The following POLN variants were observed in gnomAD, a reference collection of about 807,000 sequenced individuals.
POLN encodes DNA polymerase N.
POLN carries 108 observed loss-of-function variants against 113.5 expected under a neutral mutation model. The ratio of observed to expected loss-of-function variants is 0.95; its 90% CI spans 0.81 to 1.12. The LOEUF is 1.12. POLN is among the 50% of genes most tolerant of loss of function. The pLI is 0.00. For missense variants in POLN, 1,097 were observed against 1,077.1 expected, an observed-to-expected ratio of 1.02 and a Z score of -0.26; for synonymous variants, 386 against 391.5, an observed-to-expected ratio of 0.99 and a Z score of 0.17.
At chr4:2,189,594 G>A (rs1231645545) in intron 7 of POLN, among the ~76,000 whole-genome samples, 5 of 148,864 alleles carry the variant, frequency 3.4e-5, no homozygotes, top group Non-Finnish European at 5.9e-5. Flanking sequence ...AGCCAAGATT[G>A]TGCCACTGCA....
chr4:2,229,165 T>TCTGAG lies in POLN; in HGVS notation c.62_66dup (p.Lys23LeufsTer13), dbSNP rs1560101347. The TCTGAG allele has an allele frequency of 6.2e-7, 1 of 1,610,812 alleles. No homozygotes were observed. Among genetic ancestry groups the TCTGAG allele is most frequent in the East Asian group, 2.2e-5 (1 of 44,848 alleles). On this transcript the variant is annotated frameshift_variant, in exon 3 of 26. Coordinates refer to ENST00000511885, the MANE Select transcript of POLN (RefSeq NM_181808.4). LOFTEE classifies it high-confidence loss of function. ...CCTGAATGCATAGCAGACATAATCT[T>TCTGAG]CTGAGCAACACTGGAGAGCGGTGTA... is the stretch of plus-strand genomic sequence containing the variant.
At chr4:2,162,576 C>T (rs1444973655) in intron 13 of POLN, among the ~76,000 whole-genome samples, 1 of 152,196 alleles carries the variant, frequency 6.6e-6, no homozygotes, top group Non-Finnish European at 1.5e-5. Context: ...CCTGCCTCAA[C>T]CTCCAGAGTA....
At chr4:2,220,180 G>A (rs1053580058) in intron 3 of POLN, among the ~76,000 whole-genome samples, 6 of 152,096 alleles carry the variant, frequency 3.9e-5, no homozygotes, top group African/African-American at 1.2e-4. Context: ...CACCTGGCAC[G>A]ATGTTAAGCT....
intron 20 of POLN, among the ~76,000 whole-genome samples, chr4:2,094,535 G>A (rs977499375): frequency 3.9e-5 from 6 of 152,096 alleles, no homozygotes; most frequent in African/African-American, 9.7e-5. Context: ...ATTATTTTAA[G>A]TTACTACATT....
chr4:2,224,563 T>C (rs1029038214), intron 3 of POLN, among the ~76,000 whole-genome samples: 4 of 152,316 alleles, frequency 2.6e-5, no homozygotes, highest in South Asian at 2.1e-4. Flanking sequence ...TTTGTGTAAG[T>C]TGACTGTATG....
intron 19 of POLN, among the ~76,000 whole-genome samples, chr4:2,107,690 G>A (rs977017869): frequency 6.6e-6 from 1 of 152,206 alleles, no homozygotes; most frequent in Non-Finnish European, 1.5e-5. Context: ...TGTGAGGTAG[G>A]AGAGAGGAAG....
At chr4:2,235,637 G>A (rs1734733436) in intron 2 of POLN, among the ~76,000 whole-genome samples, 3 of 152,076 alleles carry the variant, frequency 2.0e-5, no homozygotes, top group African/African-American at 7.2e-5. Flanking sequence ...AAGCAAGCAA[G>A]TCATTGAAGG....
chr4:2,178,839 T>C (rs555907518), intron 8 of POLN, among the ~76,000 whole-genome samples: 40 of 152,326 alleles, frequency 2.6e-4, no homozygotes, highest in Middle Eastern at 3.4e-3. Context: ...CTTGAACTCC[T>C]GGCCTCGAGT....
chr4:2,198,693 T>C lies in POLN; in HGVS notation c.739A>G (p.Ile247Val), dbSNP rs1733640993. Reference sequence around the variant, plus strand: ...GCTTGGCGTTTTACTAACACCACAATTCCTCTAACAGAAGAAACGGGGGTC... The same window carrying C: ...GCTTGGCGTTTTACTAACACCACAACTCCTCTAACAGAAGAAACGGGGGTC... The part of the protein sequence containing the change: ...DQTPVSSVRG[I>V]VVLVKRQAEG... Residue 247 changes from isoleucine (I) to valine (V), a missense_variant, in exon 6 of 26, where the codon ATT becomes GTT. By Grantham distance (29) the Ile-to-Val change is conservative. Coordinates refer to ENST00000511885, the MANE Select transcript of POLN (RefSeq NM_181808.4). 1.2e-6 allele frequency: 2 copies of C among 1,610,218 alleles called. No individual in the cohort carries two copies. Among genetic ancestry groups the C allele is most frequent in the South Asian group, 1.1e-5 (1 of 90,332 alleles).
In POLN at chr4:2,128,099, T is replaced by A; in HGVS notation, c.1982+14A>T. The A allele has an allele frequency of 6.7e-7, 1 of 1,484,240 alleles. No individual in the cohort carries two copies. The highest frequency in any genetic ancestry group is 9.4e-7 in the Non-Finnish European group (1 of 1,062,972). 91.9% of individuals were successfully genotyped at this position (1,484,240 alleles called of 1,614,324 possible). A position where few individuals can be genotyped will look rare whatever the true frequency, so the allele number is the denominator to read the frequency against. Reference sequence around the variant, plus strand: ...CCTGCAGATCTGATAATATTGTGAGTTCATATATCTTACCACTGTGAAGTC... The same window carrying A: ...CCTGCAGATCTGATAATATTGTGAGATCATATATCTTACCACTGTGAAGTC... On this transcript the variant is annotated intron_variant, in intron 19 of 25. Coordinates refer to ENST00000511885, the MANE Select transcript of POLN (RefSeq NM_181808.4).
intron 11 of POLN, among the ~76,000 whole-genome samples, chr4:2,171,679 C>T (rs988930182): frequency 6.6e-6 from 1 of 152,022 alleles, no homozygotes; most frequent in South Asian, 2.1e-4. Context: ...GTGGTTCACA[C>T]CGGTGATCCC....
rs751083808 is a variant in POLN at position 2,093,607 on chromosome 4, G to A, written c.2065+2244C>T. Among the ~76,000 whole-genome samples the A allele has an allele frequency of 2.6e-5, 4 of 152,170 alleles. No homozygotes were observed. The highest frequency in any genetic ancestry group is 5.9e-5 in the Non-Finnish European group (4 of 68,034). On this transcript the variant is annotated intron_variant, in intron 20 of 25. Transcript: ENST00000511885. The surrounding 1 kb of genome is among the most constrained non-coding windows in gnomAD (Gnocchi z 4.1). ...AAATGTTATGTTTGCAACACAAGAT[G>A]CAGCAGGATGCAAGGCAACAAACTC...
chr4:2,155,378 C>T (rs1015554849), intron 16 of POLN, among the ~76,000 whole-genome samples: 2 of 152,180 alleles, frequency 1.3e-5, no homozygotes, highest in Non-Finnish European at 2.9e-5. Context: ...GCTGGCAGCC[C>T]GAGAGCTGAC....
Position 2,232,065 on chromosome 4 carries a change from T to A in POLN, c.-12-2822A>T, listed in dbSNP as rs998969883. 6.1e-5 allele frequency: 98 copies of A among 1,594,358 alleles called. No individual in the cohort carries two copies. The highest frequency in any genetic ancestry group is 8.3e-5 in the Non-Finnish European group (97 of 1,166,166). On this transcript the variant is annotated intron_variant, in intron 2 of 25. Coordinates refer to ENST00000511885, the MANE Select transcript of POLN (RefSeq NM_181808.4). Reference sequence around the variant, plus strand: ...GATGTAATTTATTATTTGCCAAAGTTTTTCTTTTTGTCTTCACATCAGCAA... The same window carrying A: ...GATGTAATTTATTATTTGCCAAAGTATTTCTTTTTGTCTTCACATCAGCAA...
chr4:2,216,875 G>A (rs969900347), intron 3 of POLN, among the ~76,000 whole-genome samples: 11 of 152,324 alleles, frequency 7.2e-5, no homozygotes, highest in African/African-American at 2.4e-4. Context: ...GTCAGCTCTG[G>A]TGAGGGGGAG....
rs767300222 is a variant in POLN at position 2,171,189 on chromosome 4, T to C, written c.1375-8A>G. The C allele has an allele frequency of 5.6e-6, 9 of 1,600,638 alleles. No homozygotes were observed. Among genetic ancestry groups the C allele is most frequent in the Non-Finnish European group, 7.7e-6 (9 of 1,171,464 alleles). Reference sequence around the variant, plus strand: ...CAATTCCTTGAGACGAGCCTGAAAATATGATACACACAATTAATTTCATTC... The same window carrying C: ...CAATTCCTTGAGACGAGCCTGAAAACATGATACACACAATTAATTTCATTC... On this transcript the variant is annotated splice_region_variant and splice_polypyrimidine_tract_variant and intron_variant, in intron 11 of 25. Transcript: ENST00000511885.
At chr4:2,124,130 T>C (rs1388143379) in intron 19 of POLN, among the ~76,000 whole-genome samples, 1 of 152,152 alleles carries the variant, frequency 6.6e-6, no homozygotes. Context: ...TAATGTGAAG[T>C]GTCCAGAATA....
chr4:2,103,948 G>A (rs1268246845), intron 19 of POLN, among the ~76,000 whole-genome samples: 5 of 152,140 alleles, frequency 3.3e-5, no homozygotes, highest in East Asian at 3.8e-4. Context: ...CCACTAGACC[G>A]GCCCTTCAAG....
intron 2 of POLN, among the ~76,000 whole-genome samples, chr4:2,237,646 C>G (rs1734814143): frequency 2.6e-5 from 4 of 152,076 alleles, no homozygotes. Context: ...AGACTTATTT[C>G]CACATCTTAA....
Sources: gnomAD v4.1 joint callset for allele counts (sites outside exome capture counted in the v4.1 genomes callset) on GRCh38, gnomAD v4.1.1 for gene constraint, Gnocchi (gnomAD v3.1) non-coding constraint, MANE v1.5 for transcripts, NCBI Gene and HGNC (gene_info 2026-07-23, HGNC 2026-07-21) for gene names.